The following TBX15 variants were observed in gnomAD, a reference collection of about 807,000 sequenced individuals.
The protein encoded by TBX15 is T-box transcription factor 15.
Under a neutral mutation model 53.9 loss-of-function variants are expected in TBX15, and 18 were observed. The observed-to-expected ratio is 0.33, with a 90% CI of 0.23 to 0.49. The LOEUF (loss-of-function observed/expected upper bound fraction) is 0.49. Among genes scored for constraint, TBX15 ranks in the 20% least tolerant of loss-of-function variants. The probability of loss-of-function intolerance (pLI) is 0.98; values close to 1 mark genes in which losing one functional copy is unlikely to be tolerated. For synonymous variants in TBX15, 295 were observed against 278.0 expected, an observed-to-expected ratio of 1.06 and a Z score of -0.61; for missense variants, 692 against 749.5, an observed-to-expected ratio of 0.92 and a Z score of 0.90.
intron 1 of TBX15, among the ~76,000 whole-genome samples, chr1:118,970,910 GA>G (rs879695710): frequency 6.6e-6 from 1 of 152,138 alleles, no homozygotes; most frequent in East Asian, 1.9e-4. Context: ...GGAAAAGCCA[GA>G]AAAAATTTCT....
At chr1:118,984,588 T>C (rs1332565124) in intron 1 of TBX15, among the ~76,000 whole-genome samples, 5 of 152,222 alleles carry the variant, frequency 3.3e-5, no homozygotes, top group Admixed American at 2.6e-4. Flanking sequence ...TCTGTTGCTC[T>C]GGGAGAGGGC....
rs887572435 is a variant in TBX15, at chr1:118,939,414, AAAAAAAAAAAAAAAAAAAAAAAC to A, written c.206-7605_206-7583del. On this transcript the variant is annotated intron_variant, in intron 1 of 7. Transcript: ENST00000369429. Reference sequence around the variant, plus strand: ...CAGAATGAGATCTAGTCTCAAAAAAAAAAAAAAAAAAAAAAAAAAAAACAAAAACAGGAACAGAAAACCAAATA... The same window carrying A: ...CAGAATGAGATCTAGTCTCAAAAAAAAAAAACAGGAACAGAAAACCAAATA... Among the ~76,000 whole-genome samples, 9 of 109,204 alleles carry A rather than the reference AAAAAAAAAAAAAAAAAAAAAAAC, an allele frequency of 8.2e-5. 1 individual carries two copies. Among genetic ancestry groups the A allele is most frequent in the African/African-American group, 3.3e-4 (8 of 24,482 alleles). 71.6% of individuals were successfully genotyped at this position (109,204 alleles called of 152,430 possible).
intron 1 of TBX15, among the ~76,000 whole-genome samples, chr1:118,935,496 G>T (rs556814058): frequency 1.3e-5 from 2 of 152,262 alleles, no homozygotes; most frequent in East Asian, 3.9e-4. Context: ...TTCAACAGAA[G>T]AAGTTTAAGT....
chr1:118,970,264 G>A (rs566495500), intron 1 of TBX15, among the ~76,000 whole-genome samples: 175 of 152,232 alleles, frequency 1.1e-3, no homozygotes, highest in Non-Finnish European at 2.1e-3. Flanking sequence ...TGTAAGTTTG[G>A]CCCTCCACAC....
chr1:118,884,277 A>G lies in TBX15; in HGVS notation c.*455T>C, dbSNP rs1653837914. ...GGGCCTCCCTCCACAGAGTTCACCC[A>G]GTTCAGAGTCAGTGTGCATGTATGA... On this transcript the variant is annotated 3_prime_UTR_variant, in exon 8 of 8. Transcript: ENST00000369429. The G allele has an allele frequency of 5.5e-6, 1 of 180,634 alleles. No individual in the cohort carries two copies. The highest frequency in any genetic ancestry group is 1.2e-5 in the Non-Finnish European group (1 of 84,604). The allele number at this position is 180,634 out of a possible 1,614,324, so 11.2% of individuals were successfully genotyped here. A position where few individuals can be genotyped will look rare whatever the true frequency, so the allele number is the denominator to read the frequency against.
At chr1:118,896,816 G>A (rs1207238724) in intron 7 of TBX15, among the ~76,000 whole-genome samples, 1 of 152,160 alleles carries the variant, frequency 6.6e-6, no homozygotes, top group Non-Finnish European at 1.5e-5. Context: ...AAGAGGGGAT[G>A]GGTGTTGTTG....
intron 1 of TBX15, among the ~76,000 whole-genome samples, chr1:118,968,217 C>CT (rs938240548): frequency 6.6e-6 from 1 of 151,912 alleles, no homozygotes; most frequent in African/African-American, 2.4e-5. Flanking sequence ...AGGACTTTTT[C>CT]TTTTTTTTCT....
intron 2 of TBX15, among the ~76,000 whole-genome samples, chr1:118,927,623 T>A (rs2101603308): frequency 6.6e-6 from 1 of 152,344 alleles, no homozygotes; most frequent in African/African-American, 2.4e-5. Flanking sequence ...TCGTGGCCTC[T>A]GGGCAATACC....
Position 118,884,935 on chromosome 1 carries a change from T to C in TBX15, c.1606A>G (p.Ser536Gly), listed in dbSNP as rs2101418967. The C allele has an allele frequency of 6.2e-7, 1 of 1,614,166 alleles. No individual in the cohort carries two copies. The highest frequency in any genetic ancestry group is 1.1e-5 in the South Asian group (1 of 91,086). Reference protein sequence around the residue: ...PRLAASPEKLSASQSTLLCSS... With the variant: ...PRLAASPEKLGASQSTLLCSS... ...CAGAGTAAAGTGCTTTGAGAGGCGC[T>C]CAGTTTTTCCGGGCTTGCAGCTAGC... The change falls in exon 8 of 8, where the codon AGC (serine) becomes GGC (glycine). Residue 536 changes from serine to glycine, a missense_variant. Transcript: ENST00000369429.
chr1:118,960,118 T>C (rs1410178380), intron 1 of TBX15, among the ~76,000 whole-genome samples: 1 of 150,548 alleles, frequency 6.6e-6, no homozygotes, highest in Non-Finnish European at 1.5e-5. Flanking sequence ...GGGAGAAGAA[T>C]GTCTGGCAGG....
At position 118,926,517 on chromosome 1, in the gene TBX15, T is replaced by G. The variant is rs759121556; in HGVS notation, c.514A>C (p.Arg172=). 1 of 1,613,272 alleles carries G rather than the reference T, an allele frequency of 6.2e-7. No individual in the cohort carries two copies. The highest frequency in any genetic ancestry group is 8.5e-7 in the Non-Finnish European group (1 of 1,179,410). Residue 172 remains arginine, a synonymous_variant, in exon 3 of 8, where the codon AGA becomes CGA. Transcript: ENST00000369429. ...TCCCAGAGTTATTGTTACCTGTATC[T>G]TTTATTGTCCACAGGCACAATGTCC... ...AMDIVPVDNK[R]YRYVYHSSKW...
intron 1 of TBX15, among the ~76,000 whole-genome samples, chr1:118,960,560 A>C (rs1210753475): frequency 6.6e-6 from 1 of 152,208 alleles, no homozygotes; most frequent in Non-Finnish European, 1.5e-5. Context: ...TTTATACAAC[A>C]CAATTGAGCG....
rs567722265 is a variant in TBX15, at chr1:118,903,037, T to C, written c.927-3912A>G. Among the ~76,000 whole-genome samples the C allele has an allele frequency of 2.0e-5, 3 of 152,148 alleles. No homozygotes were observed. The East Asian group carries it at 5.8e-4, about 29-fold the overall frequency. On this transcript the variant is annotated intron_variant, in intron 6 of 7. Transcript: ENST00000369429. ...CAGAGACCTGATGTCATCTCTGAGA[T>C]TTCCAATCAGAGACGGTCAAGTTGG... is the stretch of plus-strand genomic sequence containing the variant.
At chr1:118,917,947 G>C (rs1655302382) in intron 5 of TBX15, among the ~76,000 whole-genome samples, 1 of 152,166 alleles carries the variant, frequency 6.6e-6, no homozygotes, top group Admixed American at 6.5e-5. Flanking sequence ...GACAGACTGA[G>C]CAACTCAGCC....
rs1557873055 is a variant in TBX15 at position 118,893,598 on chromosome 1, G to GAAAGAAA, written c.1024+5429_1024+5430insTTTCTTT. Among the ~76,000 whole-genome samples, 23 of 119,006 alleles carry GAAAGAAA rather than the reference G, an allele frequency of 1.9e-4. 1 individual carries two copies. Among genetic ancestry groups the GAAAGAAA allele is most frequent in the African/African-American group, 1.1e-3 (23 of 21,896 alleles). 78.1% of individuals were successfully genotyped at this position (119,006 alleles called of 152,430 possible). On this transcript the variant is annotated intron_variant, in intron 7 of 7. Coordinates refer to ENST00000369429, the MANE Select transcript of TBX15 (RefSeq NM_001330677.2). ...GGAAAGAAAGAAAGGAAGGAAGGAA[G>GAAAGAAA]GAAAGAAAGAAAGAAAGAGAGAGAG...
rs541041337 is a variant in TBX15, at chr1:118,884,616, A to G, written c.*116T>C. The G allele has an allele frequency of 1.1e-5, 15 of 1,316,784 alleles. No homozygotes were observed. In the South Asian group the frequency reaches 2.1e-4, roughly 18 times the overall value. The allele number at this position is 1,316,784 out of a possible 1,614,324, so 81.6% of individuals were successfully genotyped here. A position where few individuals can be genotyped will look rare whatever the true frequency, so the allele number is the denominator to read the frequency against. ...TATGTCTTCGGCCAGAAAAAAAAAA[A>G]AAAAAAAAACACGGTTCCTGTTTTT... is the stretch of plus-strand genomic sequence containing the variant. On this transcript the variant is annotated 3_prime_UTR_variant, in exon 8 of 8. Coordinates refer to ENST00000369429, the MANE Select transcript of TBX15 (RefSeq NM_001330677.2).
At chr1:118,931,079 G>T (rs1323405586) in intron 2 of TBX15, among the ~76,000 whole-genome samples, 1 of 152,122 alleles carries the variant, frequency 6.6e-6, no homozygotes, top group Non-Finnish European at 1.5e-5. Flanking sequence ...TTAAAATTTT[G>T]TAATCCTAGA....
At chr1:118,983,914 T>C (rs982050440) in intron 1 of TBX15, among the ~76,000 whole-genome samples, 6 of 152,254 alleles carry the variant, frequency 3.9e-5, no homozygotes, top group African/African-American at 1.4e-4. Flanking sequence ...TATTCGTTAC[T>C]TAAACGTCAG....
chr1:118,944,162 C>G (rs1656272034), intron 1 of TBX15, among the ~76,000 whole-genome samples: 1 of 152,134 alleles, frequency 6.6e-6, no homozygotes, highest in South Asian at 2.1e-4. Flanking sequence ...CCAGACCCTC[C>G]AGGAAAAGTC....
Sources: gnomAD v4.1 joint callset for allele counts (sites outside exome capture counted in the v4.1 genomes callset) on GRCh38, gnomAD v4.1.1 for gene constraint, MANE v1.5 for transcripts, NCBI Gene and HGNC (gene_info 2026-07-23, HGNC 2026-07-21) for gene names.